AGTPBP1: variants seen among roughly 807,000 people sequenced by gnomAD.
AGTPBP1 encodes ATP/GTP binding carboxypeptidase 1, also known as cytosolic carboxypeptidase 1.
A neutral mutation model predicts 143.9 loss-of-function variants in AGTPBP1; 70 were observed. The ratio of observed to expected loss-of-function variants is 0.49; its 90% CI spans 0.40 to 0.59. The LOEUF (loss-of-function observed/expected upper bound fraction) is 0.59, where lower values mean the gene tolerates loss of function less well. Ranked by LOEUF, AGTPBP1 falls within the 20% of genes least tolerant of loss-of-function variation. The pLI is 0.00. For missense variants in AGTPBP1, 1,229 were observed against 1,464.5 expected (o/e 0.84, Z 2.62); for synonymous variants, 463 against 500.2 (o/e 0.93, Z 0.99).
the AGTPBP1 span, chr9:85,781,386 C>T: frequency 6.7e-7 from 1 of 1,497,176 alleles, no homozygotes; most frequent in Non-Finnish European, 8.9e-7. Flanking sequence ...TTAGTGTTGT[C>T]ACTCTTAACA....
At chr9:85,602,340 C>T (rs1272532370) in intron 17 of AGTPBP1, among the ~76,000 whole-genome samples, 1 of 151,936 alleles carries the variant, frequency 6.6e-6, no homozygotes, top group Non-Finnish European at 1.5e-5. Context: ...GAAGAATATT[C>T]ATTAAATGAT....
chr9:85,721,677 G>T (rs1310751043), intron 1 of AGTPBP1, among the ~76,000 whole-genome samples: 5 of 152,050 alleles, frequency 3.3e-5, no homozygotes, highest in Non-Finnish European at 7.4e-5. Flanking sequence ...TACATTTAAG[G>T]TTAATATTGT....
the AGTPBP1 span, among the ~76,000 whole-genome samples, chr9:85,760,299 T>C: frequency 3.0e-3 from 450 of 152,248 alleles, no homozygotes; most frequent in African/African-American, 0.01. Flanking sequence ...TACCAAAGCC[T>C]GGCAGAGACA....
the AGTPBP1 span, among the ~76,000 whole-genome samples, chr9:85,796,161 C>T: frequency 1.3e-5 from 2 of 151,988 alleles, no homozygotes; most frequent in East Asian, 3.8e-4. Context: ...ATCTATTATA[C>T]ATACATACAT....
At chr9:85,622,349 C>T (rs1246704990) in intron 14 of AGTPBP1, among the ~76,000 whole-genome samples, 4 of 152,026 alleles carry the variant, frequency 2.6e-5, no homozygotes, top group East Asian at 1.9e-4. Flanking sequence ...GTCTCCTGCA[C>T]GAAGATACTT....
chr9:85,736,741 A>C (rs1286709558), intron 1 of AGTPBP1, among the ~76,000 whole-genome samples: 1 of 152,216 alleles, frequency 6.6e-6, no homozygotes, highest in East Asian at 1.9e-4. Flanking sequence ...TATTTGTATA[A>C]TACTAAAATT....
rs1286297351 is a variant in AGTPBP1 at position 85,657,583 on chromosome 9, A to G, written c.761T>C (p.Val254Ala). The G allele has an allele frequency of 6.2e-7, 1 of 1,614,074 alleles. No individual in the cohort carries two copies. Among genetic ancestry groups the G allele is most frequent in the Admixed American group, 1.7e-5 (1 of 60,024 alleles). Residue 254 changes from valine to alanine, a missense_variant, in exon 10 of 26, where the codon GTA (valine) becomes GCA (alanine). Around this residue, in one of 2 missense-constraint regions of AGTPBP1, gnomAD observed 743 missense variants for 812.2 expected, o/e 0.91. Coordinates refer to ENST00000357081, the MANE Select transcript of AGTPBP1 (RefSeq NM_001330701.2). ...GYVQVLLTIY[V>A]DWHRHDNRHR... ...CCGGTTATCATGGCGGTGCCAATCT[A>G]CATAAATTGTTAAAAGCACTTGGAC...
chr9:85,592,409 A>G, intron 19 of AGTPBP1, 151 bp downstream of exon 19: 1 of 508,200 alleles, frequency 2.0e-6, no homozygotes, highest in Non-Finnish European at 3.3e-6. Flanking sequence ...ATATTTAACT[A>G]AACTCAATTA....
chr9:85,764,701 C>T, the AGTPBP1 span: 1 of 1,112,090 alleles, frequency 9.0e-7, no homozygotes, highest in East Asian at 2.4e-5. Flanking sequence ...TGGGTTGTAT[C>T]TTTTAGGCCT....
At chr9:85,601,645 C>T (rs969134729) in intron 17 of AGTPBP1, among the ~76,000 whole-genome samples, 10 of 152,300 alleles carry the variant, frequency 6.6e-5, no homozygotes, top group African/African-American at 1.4e-4. Context: ...ATTGCTCATG[C>T]TATGCCTGCT....
At chr9:85,596,519 T>G in intron 17 of AGTPBP1, 70 bp from the exon 18 acceptor site, 1 of 1,047,114 alleles carries the variant, frequency 9.6e-7, no homozygotes, top group Non-Finnish European at 1.4e-6. Flanking sequence ...ATCTTGCCTT[T>G]GTAGAAAGCA....
upstream of AGTPBP1, among the ~76,000 whole-genome samples, chr9:85,746,110 CT>C (rs1488482995): frequency 2.0e-5 from 3 of 152,064 alleles, no homozygotes; most frequent in East Asian, 5.8e-4. Flanking sequence ...ACCAGCCTTC[CT>C]TTTCCCCCTG....
chr9:85,552,603 A>C (rs1826098758), intron 25 of AGTPBP1, among the ~76,000 whole-genome samples: 1 of 152,240 alleles, frequency 6.6e-6, no homozygotes, highest in Admixed American at 6.5e-5. Flanking sequence ...AGTGTAAAGC[A>C]GAGATAACAA....
chr9:85,758,860 A>G, the AGTPBP1 span, among the ~76,000 whole-genome samples: 2 of 152,154 alleles, frequency 1.3e-5, no homozygotes, highest in Non-Finnish European at 2.9e-5. Context: ...AACACCAGTA[A>G]TGTGAGACTC....
chr9:85,569,972 A>G (rs1298316050), intron 25 of AGTPBP1, among the ~76,000 whole-genome samples: 1 of 152,190 alleles, frequency 6.6e-6, no homozygotes, highest in African/African-American at 2.4e-5. Flanking sequence ...TAAGCTCCAG[A>G]TAAGTCTTTC....
At chr9:85,760,971 A>G in the AGTPBP1 span, among the ~76,000 whole-genome samples, 1 of 152,200 alleles carries the variant, frequency 6.6e-6, no homozygotes, top group Non-Finnish European at 1.5e-5. Flanking sequence ...TTATACACCA[A>G]TAACAGACAA....
At chr9:85,659,678 A>G (rs1423331883) in intron 9 of AGTPBP1, among the ~76,000 whole-genome samples, 2 of 152,166 alleles carry the variant, frequency 1.3e-5, no homozygotes, top group African/African-American at 4.8e-5. Context: ...GGCTTTTACT[A>G]ACTTAGAATT....
chr9:85,598,765 G>A (rs1395844138), intron 17 of AGTPBP1, among the ~76,000 whole-genome samples: 1 of 152,088 alleles, frequency 6.6e-6, no homozygotes, highest in African/African-American at 2.4e-5. Context: ...TGTTGCTCAG[G>A]CTGAAGTGCA....
At chr9:85,774,380 T>C in the AGTPBP1 span, among the ~76,000 whole-genome samples, 1 of 152,224 alleles carries the variant, frequency 6.6e-6, no homozygotes, top group Non-Finnish European at 1.5e-5. Flanking sequence ...CCCAGGGATA[T>C]AATACTATCA....
Sources: allele counts gnomAD v4.1 joint callset (sites outside exome capture counted in the v4.1 genomes callset), GRCh38; gene constraint gnomAD v4.1.1; regional missense constraint gnomAD v4.1.1; transcripts MANE v1.5; gene names NCBI Gene and HGNC (gene_info 2026-07-23, HGNC 2026-07-21).